Variants in CNTN1 observed in about 807,000 individuals in gnomAD.
CNTN1 encodes contactin 1.
A neutral mutation model predicts 126.4 loss-of-function variants in CNTN1; 38 were observed. The observed-to-expected ratio is 0.30, with a 90% CI of 0.23 to 0.39. The LOEUF (loss-of-function observed/expected upper bound fraction) is 0.39, where lower values mean the gene tolerates loss of function less well. Among genes scored for constraint, CNTN1 ranks in the 10% least tolerant of loss-of-function variants. The pLI, the probability that CNTN1 is intolerant of heterozygous loss-of-function variation, is 1.00. For missense variants in CNTN1, 1,009 were observed against 1,248.4 expected, an observed-to-expected ratio of 0.81 and a Z score of 2.89; for synonymous variants, 413 against 422.6, an observed-to-expected ratio of 0.98 and a Z score of 0.28.
intron 1 of CNTN1, among the ~76,000 whole-genome samples, chr12:40,696,838 G>T (rs557228974): frequency 9.9e-5 from 15 of 152,114 alleles, no homozygotes; most frequent in Admixed American, 9.8e-4. Context: ...ACCAAATTCC[G>T]CAGTACAAAG....
intron 1 of CNTN1, among the ~76,000 whole-genome samples, chr12:40,722,378 A>G (rs975442599): frequency 6.6e-6 from 1 of 152,216 alleles, no homozygotes; most frequent in African/African-American, 2.4e-5. Context: ...CCAAACATGT[A>G]TATACACACA....
intron 3 of CNTN1, among the ~76,000 whole-genome samples, chr12:40,911,210 A>G (rs1232357939): frequency 6.6e-6 from 1 of 152,122 alleles, no homozygotes; most frequent in African/African-American, 2.4e-5. Flanking sequence ...CCTCCCGAGT[A>G]GCTGGGACTA....
chr12:41,056,121 A>G (rs1230854867), intron 23 of CNTN1, among the ~76,000 whole-genome samples: 1 of 152,146 alleles, frequency 6.6e-6, no homozygotes, highest in Non-Finnish European at 1.5e-5. Flanking sequence ...CAGAGACCAC[A>G]GACAATTGGC....
intron 23 of CNTN1, among the ~76,000 whole-genome samples, chr12:41,035,182 T>C (rs1949228705): frequency 1.3e-5 from 2 of 152,194 alleles, no homozygotes; most frequent in Non-Finnish European, 2.9e-5. Context: ...TTAGTTAGAC[T>C]CAGAAATAAT....
intron 1 of CNTN1, among the ~76,000 whole-genome samples, chr12:40,766,954 G>A (rs897194778): frequency 1.3e-5 from 2 of 151,976 alleles, no homozygotes; most frequent in African/African-American, 4.8e-5. Context: ...AATTTTAGGG[G>A]TCTATGGGAA....
intron 1 of CNTN1, among the ~76,000 whole-genome samples, chr12:40,781,943 G>A (rs1457067761): frequency 1.3e-5 from 2 of 151,776 alleles, no homozygotes; most frequent in Non-Finnish European, 2.9e-5. Context: ...AAATTTAATG[G>A]GCTCTTTCTG....
intron 1 of CNTN1, among the ~76,000 whole-genome samples, chr12:40,801,162 A>T (rs1264234485): frequency 6.6e-6 from 1 of 151,982 alleles, no homozygotes; most frequent in Non-Finnish European, 1.5e-5. Flanking sequence ...TTTATTCAGC[A>T]GCAAGCATCT....
intron 1 of CNTN1, among the ~76,000 whole-genome samples, chr12:40,753,905 A>G (rs186224569): frequency 6.6e-6 from 1 of 152,256 alleles, no homozygotes; most frequent in East Asian, 1.9e-4. Flanking sequence ...TAACATTTTA[A>G]TATAAGGATA....
chr12:40,840,412 A>C lies in CNTN1; in HGVS notation c.-76-67945A>C, dbSNP rs548432406. ...TAATAGTGAGAGACTTTAACACCCCACTCTCAGCATTAGGCAGATTATCTA... is the reference window on the plus strand; with the variant it reads ...TAATAGTGAGAGACTTTAACACCCCCCTCTCAGCATTAGGCAGATTATCTA... On this transcript the variant is annotated intron_variant, in intron 1 of 23. Coordinates refer to ENST00000551295, the MANE Select transcript of CNTN1 (RefSeq NM_001843.4). Among the ~76,000 whole-genome samples the C allele has an allele frequency of 3.9e-5, 6 of 152,054 alleles. No individual in the cohort carries two copies. The East Asian group carries it at 1.2e-3, about 29-fold the overall frequency.
chr12:40,703,750 A>C (rs996543545), intron 1 of CNTN1, among the ~76,000 whole-genome samples: 7 of 151,436 alleles, frequency 4.6e-5, no homozygotes, highest in African/African-American at 1.7e-4. Context: ...GAAAGAAGTG[A>C]CGTGAATAAT....
chr12:41,057,732 C>G (rs1949856565), intron 23 of CNTN1, among the ~76,000 whole-genome samples: 1 of 151,822 alleles, frequency 6.6e-6, no homozygotes, highest in Non-Finnish European at 1.5e-5. Flanking sequence ...AGTTTGTGGT[C>G]TTTGCTTTTT....
intron 1 of CNTN1, among the ~76,000 whole-genome samples, chr12:40,786,419 T>C (rs1212083543): frequency 1.3e-5 from 2 of 152,162 alleles, no homozygotes; most frequent in Admixed American, 6.5e-5. Flanking sequence ...TGTGAGTGTC[T>C]TGTGTATGTC....
rs190241505 is a variant in CNTN1 at position 40,820,417 on chromosome 12, G to A, written c.-76-87940G>A. On this transcript the variant is annotated intron_variant, in intron 1 of 23. Transcript: ENST00000551295. ...TGATTCTGAGGTGTGGACACATGTG[G>A]AGTGGCAGTGAAGTCAGAGTCCAGA... Among the ~76,000 whole-genome samples the A allele has an allele frequency of 3.3e-5, 5 of 152,300 alleles. No individual in the cohort carries two copies. In the East Asian group the frequency reaches 9.7e-4, roughly 29 times the overall value.
chr12:40,918,841 T>G, intron 4 of CNTN1, 70 bp downstream of exon 4: 1 of 1,557,104 alleles, frequency 6.4e-7, no homozygotes, highest in Admixed American at 1.7e-5. Flanking sequence ...ATCTATGAAC[T>G]TGTACAGATG....
intron 1 of CNTN1, among the ~76,000 whole-genome samples, chr12:40,866,011 T>G (rs961154752): frequency 6.6e-6 from 1 of 152,120 alleles, no homozygotes; most frequent in African/African-American, 2.4e-5. Flanking sequence ...TTTGTAGTTT[T>G]CAGTGTAAAT....
chr12:40,745,404 T>C (rs984892764), intron 1 of CNTN1, among the ~76,000 whole-genome samples: 2 of 152,126 alleles, frequency 1.3e-5, no homozygotes, highest in Non-Finnish European at 2.9e-5. Context: ...ATTGGTTCTG[T>C]CTGGAAAGGT....
At chr12:40,724,415 A>G (rs1942299191) in intron 1 of CNTN1, among the ~76,000 whole-genome samples, 1 of 152,234 alleles carries the variant, frequency 6.6e-6, no homozygotes, top group Non-Finnish European at 1.5e-5. Context: ...GCTTCAATAT[A>G]GGCTGATAGA....
At chr12:41,041,190 T>A (rs1332459471) in intron 23 of CNTN1, among the ~76,000 whole-genome samples, 2 of 144,940 alleles carry the variant, frequency 1.4e-5, no homozygotes, top group Non-Finnish European at 3.0e-5. Flanking sequence ...TTTTTGTCTT[T>A]GGTTCTGTTT....
At chr12:40,897,060 G>GT (rs1944437933) in intron 1 of CNTN1, among the ~76,000 whole-genome samples, 1 of 152,126 alleles carries the variant, frequency 6.6e-6, no homozygotes, top group African/African-American at 2.4e-5. Context: ...TAAGCTAAAT[G>GT]TTTTTATCTT....
Sources: gnomAD v4.1 joint callset for allele counts (sites outside exome capture counted in the v4.1 genomes callset) on GRCh38, gnomAD v4.1.1 for gene constraint, MANE v1.5 for transcripts, NCBI Gene and HGNC (gene_info 2026-07-23, HGNC 2026-07-21) for gene names.